KMT2E: variants seen among roughly 807,000 people sequenced by gnomAD.
KMT2E encodes the protein lysine methyltransferase 2E (inactive).
A neutral mutation model predicts 184.6 loss-of-function variants in KMT2E; 30 were observed. The ratio of observed to expected loss-of-function variants is 0.16; its 90% CI spans 0.12 to 0.22. The LOEUF (loss-of-function observed/expected upper bound fraction) is 0.22. Among genes scored for constraint, KMT2E ranks in the 10% least tolerant of loss-of-function variants. KMT2E has a pLI of 1.00. For synonymous variants in KMT2E, 815 were observed against 776.5 expected (o/e 1.05, Z -0.82); for missense variants, 2,023 against 2,237.4 (o/e 0.90, Z 1.93).
At position 105,110,474 on chromosome 7, in the gene KMT2E, T is replaced by C. The variant is rs1258869191; in HGVS notation, c.3845-3T>C. The C allele has an allele frequency of 6.2e-7, 1 of 1,614,044 alleles. No homozygotes were observed. Among genetic ancestry groups the C allele is most frequent in the African/African-American group, 1.3e-5 (1 of 74,930 alleles). On this transcript the variant is annotated splice_region_variant and splice_polypyrimidine_tract_variant and intron_variant, in intron 24 of 26. Coordinates refer to ENST00000311117, the MANE Select transcript of KMT2E (RefSeq NM_182931.3). ...CTTTGGGTCTGCTCTGCTTCATCTC[T>C]AGGGGGAGAATCACCATGTGTCTCA... is the stretch of plus-strand genomic sequence containing the variant.
Position 105,079,221 on chromosome 7 carries a change from G to A in KMT2E, c.1248+258G>A, listed in dbSNP as rs912567357. Among the ~76,000 whole-genome samples, 3 of 148,838 alleles carry A rather than the reference G, an allele frequency of 2.0e-5. No homozygotes were observed. The East Asian group carries it at 6.0e-4, about 30-fold the overall frequency. On this transcript the variant is annotated intron_variant, in intron 12 of 26. Coordinates refer to ENST00000311117, the MANE Select transcript of KMT2E (RefSeq NM_182931.3). ...CACGATCTCAGCTCATGTAACCTCC[G>A]TCTTCCGGGCTCAAGTGATTCTCAT...
At chr7:105,062,053 C>A in intron 3 of KMT2E, 111 bp from the exon 4 acceptor site, 1 of 711,752 alleles carries the variant, frequency 1.4e-6, no homozygotes, top group South Asian at 1.7e-5. Context: ...TAAGTAGATA[C>A]TGTATTTGTA....
intron 4 of KMT2E, among the ~76,000 whole-genome samples, chr7:105,063,141 T>C (rs1013890012): frequency 6.6e-6 from 1 of 152,004 alleles, no homozygotes; most frequent in African/African-American, 2.4e-5. Flanking sequence ...ATGTGACCAC[T>C]CCCACTTTGT....
intron 1 of KMT2E, among the ~76,000 whole-genome samples, chr7:105,035,840 T>G (rs1456935151): frequency 1.3e-5 from 2 of 152,148 alleles, no homozygotes; most frequent in African/African-American, 4.8e-5. Context: ...ATTACAGATG[T>G]GAGCCACCAC....
At chr7:105,076,439 A>G (rs1323150259) in intron 9 of KMT2E, among the ~76,000 whole-genome samples, 1 of 152,236 alleles carries the variant, frequency 6.6e-6, no homozygotes, top group Non-Finnish European at 1.5e-5. Context: ...ACTTTTGCAT[A>G]GTTGGGATTC....
In KMT2E at chr7:105,075,200, T is replaced by C. The variant is rs529366915; in HGVS notation, c.729+385T>C. On this transcript the variant is annotated intron_variant, in intron 8 of 26. Coordinates refer to ENST00000311117, the MANE Select transcript of KMT2E (RefSeq NM_182931.3). ...GGTTCTTTGCCTCCTTTTTTTTTTT[T>C]TTTTAAACCTTGCTCTCTTGTAACG... 3.9e-5 allele frequency among the ~76,000 whole-genome samples: 6 copies of C among 152,136 alleles called. No individual in the cohort carries two copies. In the East Asian group the frequency reaches 1.2e-3, roughly 29 times the overall value.
chr7:105,072,041 G>C (rs1237845896), intron 6 of KMT2E, among the ~76,000 whole-genome samples: 1 of 152,000 alleles, frequency 6.6e-6, no homozygotes, highest in East Asian at 1.9e-4. Flanking sequence ...GCCGGGCGCG[G>C]TGGCTCACAC....
intron 1 of KMT2E, among the ~76,000 whole-genome samples, chr7:105,037,292 A>C (rs6961668): frequency 0.42 from 63,909 of 151,872 alleles, 15,331 homozygotes; most frequent in East Asian, 0.89. Context: ...AAATATTTTT[A>C]CTCATATTTT....
At chr7:105,015,851 C>A (rs1244834484) in intron 1 of KMT2E, among the ~76,000 whole-genome samples, 1 of 151,390 alleles carries the variant, frequency 6.6e-6, no homozygotes, top group African/African-American at 2.4e-5. Flanking sequence ...AATTACAGTG[C>A]TGTGTTTTAG....
chr7:105,054,510 ATCTATCTG>A (rs1030687560), intron 3 of KMT2E, among the ~76,000 whole-genome samples: 29 of 108,546 alleles, frequency 2.7e-4, no homozygotes, highest in East Asian at 5.3e-4. Context: ...CTATCTATCT[ATCTATCTG>A]TCTGTCTGTC....
At chr7:105,020,120 A>AG (rs1794887778) in intron 1 of KMT2E, among the ~76,000 whole-genome samples, 1 of 151,852 alleles carries the variant, frequency 6.6e-6, no homozygotes, top group Non-Finnish European at 1.5e-5. Context: ...AAAAAAAAAA[A>AG]AAGTAAATAA....
intron 6 of KMT2E, among the ~76,000 whole-genome samples, chr7:105,067,057 T>C (rs80130326): frequency 7.7e-5 from 4 of 52,000 alleles, no homozygotes; most frequent in African/African-American, 2.3e-4. Context: ...ACCCAGTCTC[T>C]TTTTTTTTTA....
chr7:105,029,853 G>A (rs1795329413), intron 1 of KMT2E, among the ~76,000 whole-genome samples: 1 of 152,116 alleles, frequency 6.6e-6, no homozygotes, highest in African/African-American at 2.4e-5. Flanking sequence ...ATAATGGGGA[G>A]GACTGAGCCT....
intron 6 of KMT2E, among the ~76,000 whole-genome samples, chr7:105,071,349 T>C (rs1419813268): frequency 6.6e-6 from 1 of 151,498 alleles, no homozygotes; most frequent in Non-Finnish European, 1.5e-5. Context: ...GGAGCTGTGC[T>C]GTTTTTTTGT....
At chr7:105,022,271 A>AGATTGTAAATGCAATCTGT (rs1345324114) in intron 1 of KMT2E, among the ~76,000 whole-genome samples, 1 of 152,112 alleles carries the variant, frequency 6.6e-6, no homozygotes, top group African/African-American at 2.4e-5. Flanking sequence ...CCAAGATCAC[A>AGATTGTAAATGCAATCTGT]GATTGCATTT....
chr7:105,071,118 C>T (rs1797267171), intron 6 of KMT2E, among the ~76,000 whole-genome samples: 1 of 152,026 alleles, frequency 6.6e-6, no homozygotes, highest in African/African-American at 2.4e-5. Flanking sequence ...CATTTCTTTT[C>T]TCTTAAAAAT....
intron 17 of KMT2E, chr7:105,104,984 A>ATTAT (rs909443819): frequency 1.3e-5 from 2 of 153,470 alleles, no homozygotes; most frequent in Non-Finnish European, 2.9e-5. Context: ...CCTGGGCAAT[A>ATTAT]TAGCGGACCT....
Position 105,109,246 on chromosome 7 carries a change from T to C in KMT2E, c.3755+18T>C. 6.2e-7 allele frequency: 1 copy of C among 1,605,376 alleles called. No individual in the cohort carries two copies. Among genetic ancestry groups the C allele is most frequent in the Non-Finnish European group, 8.5e-7 (1 of 1,174,064 alleles). On this transcript the variant is annotated intron_variant, in intron 23 of 26. Coordinates refer to ENST00000311117, the MANE Select transcript of KMT2E (RefSeq NM_182931.3). ...GTTCAATGGTAAGCCCATTGTGAAG[T>C]ATGCTACTCTGGAAAAAACAAGCTT... is the stretch of plus-strand genomic sequence containing the variant.
chr7:105,104,569 C>T (rs1418142196), intron 17 of KMT2E: 1 of 152,248 alleles, frequency 6.6e-6, no homozygotes, highest in African/African-American at 2.4e-5. Context: ...GTGGTGCACA[C>T]CTGTAGTCCC....
Sources: gnomAD v4.1 joint callset for allele counts (sites outside exome capture counted in the v4.1 genomes callset) on GRCh38, gnomAD v4.1.1 for gene constraint, MANE v1.5 for transcripts, NCBI Gene and HGNC (gene_info 2026-07-23, HGNC 2026-07-21) for gene names.